LMAN1: variants seen among roughly 807,000 people sequenced by gnomAD.
LMAN1 encodes protein ERGIC-53.
In LMAN1, 32 loss-of-function variants were observed where a neutral mutation model predicts 67.8. The ratio of observed to expected loss-of-function variants is 0.47; its 90% confidence interval spans 0.36 to 0.63. The LOEUF is 0.63. Among genes scored for constraint, LMAN1 ranks in the 30% least tolerant of loss-of-function variants. The pLI is 0.00. For synonymous variants in LMAN1, 235 were observed against 219.3 expected, an observed-to-expected ratio of 1.07 and a Z score of -0.63; for missense variants, 632 against 628.2, an observed-to-expected ratio of 1.01 and a Z score of -0.06.
Position 59,359,161 on chromosome 18 carries a change from G to A in LMAN1, c.84C>T (p.Val28=), listed in dbSNP as rs1908738277. 6.2e-7 allele frequency: 1 copy of A among 1,614,076 alleles called. No homozygotes were observed. The highest frequency in any genetic ancestry group is 2.2e-5 in the East Asian group (1 of 44,866). ...CALLLSLGRF[V]RGDGVGGDPA... ...GGTCTCCTCCCACGCCGTCGCCCCG[G>A]ACGAAGCGACCGAGTGACAGCAGCA... The change falls in exon 1 of 13, where the codon GTC becomes GTT. Residue 28 remains valine, a synonymous_variant. Transcript: ENST00000251047.
At chr18:59,331,237 G>A (rs1353720887) in intron 12 of LMAN1, 108 bp from the exon 13 acceptor site, 20 of 1,079,760 alleles carry the variant, frequency 1.9e-5, no homozygotes, top group Middle Eastern at 2.2e-4. Context: ...AGTATACAAC[G>A]CATTAAGATA....
Position 59,355,369 on chromosome 18 carries a change from C to T in LMAN1, c.421G>A (p.Ala141Thr). The T allele has an allele frequency of 1.2e-6, 2 of 1,614,090 alleles. No homozygotes were observed. Among genetic ancestry groups the T allele is most frequent in the Non-Finnish European group, 1.7e-6 (2 of 1,179,956 alleles). ...QGLEGPVFGS[A>T]DLWNGVGIFF... ...ATTCCAACACCATTCCACAGATCAG[C>T]TGATCCAAACACAGGGCCCTCCAAG... is the stretch of plus-strand genomic sequence containing the variant. Residue 141 changes from alanine (A) to threonine (T), a missense_variant, in exon 3 of 13, where the codon GCT becomes ACT. By Grantham distance (58) the Ala-to-Thr change is moderately conservative (BLOSUM62 0). Transcript: ENST00000251047.
intron 10 of LMAN1, among the ~76,000 whole-genome samples, chr18:59,335,586 C>G (rs1007616731): frequency 6.6e-6 from 1 of 152,102 alleles, no homozygotes; most frequent in Non-Finnish European, 1.5e-5. Context: ...AAAGTGGTAG[C>G]AAGGATGAAG....
chr18:59,352,201 C>T (rs1908558622), intron 5 of LMAN1, among the ~76,000 whole-genome samples: 1 of 152,144 alleles, frequency 6.6e-6, no homozygotes. Context: ...TCATTACCAA[C>T]CCTCTGATTT....
chr18:59,348,936 ATG>A lies in LMAN1; in HGVS notation c.763+175_763+176del, dbSNP rs1908480314. ...CAGTTAACTGTACACCTACCGAACA[ATG>A]TAAGTAGAAAATTAGCAATCTCAAC... On this transcript the variant is annotated intron_variant, in intron 6 of 12. Transcript: ENST00000251047. 3.3e-5 allele frequency among the ~76,000 whole-genome samples: 5 copies of A among 152,230 alleles called. No individual in the cohort carries two copies. In the South Asian group the frequency reaches 1.0e-3, roughly 32 times the overall value.
intron 10 of LMAN1, among the ~76,000 whole-genome samples, chr18:59,336,989 A>C (rs572480100): frequency 4.0e-5 from 6 of 151,790 alleles, no homozygotes; most frequent in Non-Finnish European, 5.9e-5. Context: ...GGATGCTAAA[A>C]TGAATGAGCA....
intron 1 of LMAN1, among the ~76,000 whole-genome samples, chr18:59,355,922 C>G: frequency 6.7e-6 from 1 of 149,866 alleles, no homozygotes; most frequent in East Asian, 1.9e-4. Flanking sequence ...TTAAGGCAAA[C>G]TATCTGAGTC....
chr18:59,353,084 A>G (rs2144230671), intron 5 of LMAN1, 118 bp downstream of exon 5: 7 of 876,256 alleles, frequency 8.0e-6, no homozygotes, highest in South Asian at 4.1e-5. Flanking sequence ...TAGAGTAACA[A>G]TGAAGAGTAT....
chr18:59,334,384 T>C (rs889190436), intron 10 of LMAN1, among the ~76,000 whole-genome samples: 4 of 152,190 alleles, frequency 2.6e-5, no homozygotes, highest in African/African-American at 7.2e-5. Flanking sequence ...TGGAGATGAA[T>C]TGTCTAGCAG....
At position 59,333,194 on chromosome 18, in the gene LMAN1, C is replaced by A. The variant is rs1397472412; in HGVS notation, c.1271G>T (p.Gly424Val). The change falls in exon 11 of 13, where the codon GGC (glycine) becomes GTC (valine). Residue 424 changes from glycine (G) to valine (V), a missense_variant. Gly to Val is a moderately radical substitution (Grantham distance 109). Coordinates refer to ENST00000251047, the MANE Select transcript of LMAN1 (RefSeq NM_005570.4). ...TGTCTCATAGACGCCTCCAGCAGAG[C>A]CAGGGTGCTGCATTCCACTGACCAG... is the stretch of plus-strand genomic sequence containing the variant. ...VRLVSGMQHP[G>V]SAGGVYETTQ... The A allele has an allele frequency of 3.1e-5, 50 of 1,613,520 alleles. No individual in the cohort carries two copies. In the Admixed American group the frequency reaches 8.3e-4, roughly 27 times the overall value.
intron 11 of LMAN1, among the ~76,000 whole-genome samples, chr18:59,332,528 G>T (rs563659813): frequency 1.3e-5 from 2 of 152,080 alleles, no homozygotes; most frequent in Non-Finnish European, 2.9e-5. Context: ...TTTTCTAAAG[G>T]TCATCAAACG....
intron 8 of LMAN1, among the ~76,000 whole-genome samples, chr18:59,342,214 A>G (rs1289417039): frequency 6.6e-6 from 1 of 152,038 alleles, no homozygotes; most frequent in Non-Finnish European, 1.5e-5. Context: ...AACAGCCGGG[A>G]CTAGATGGAC....
At chr18:59,336,318 G>A (rs911345301) in intron 10 of LMAN1, among the ~76,000 whole-genome samples, 11 of 152,146 alleles carry the variant, frequency 7.2e-5, no homozygotes, top group African/African-American at 2.7e-4. Context: ...AGAAGATAGA[G>A]CAGTACCATA....
chr18:59,343,560 C>CT (rs143716767), intron 8 of LMAN1, among the ~76,000 whole-genome samples: 2 of 152,188 alleles, frequency 1.3e-5, no homozygotes, highest in Non-Finnish European at 2.9e-5. Flanking sequence ...AAAGGACATC[C>CT]TATTCAATAA....
At chr18:59,339,026 A>C (rs759737778) in intron 8 of LMAN1, 73 bp from the exon 9 acceptor site, 3 of 1,350,234 alleles carry the variant, frequency 2.2e-6, no homozygotes, top group Non-Finnish European at 3.1e-6. Context: ...GTAAGTGACC[A>C]AAGTGCCAAC....
chr18:59,348,380 T>G (rs1908467889), intron 6 of LMAN1, among the ~76,000 whole-genome samples: 1 of 152,096 alleles, frequency 6.6e-6, no homozygotes, highest in Non-Finnish European at 1.5e-5. Flanking sequence ...GAACCTGGAG[T>G]CAGAAATCCA....
intron 3 of LMAN1, 51 bp downstream of exon 3, chr18:59,355,262 C>A: frequency 7.4e-7 from 1 of 1,344,008 alleles, no homozygotes; most frequent in South Asian, 1.2e-5. Context: ...CACAGCCTAA[C>A]TCTGTTGATA....
rs200439553 is a variant in LMAN1 at position 59,346,387 on chromosome 18, A to AT, written c.823-337dup. Reference sequence around the variant, plus strand: ...AGGCACCTGCTGCCATGCCCAGCTAATTTTTTTTGTATTTTTTAGTAGAGA... The same window carrying AT: ...AGGCACCTGCTGCCATGCCCAGCTAATTTTTTTTTGTATTTTTTAGTAGAGA... On this transcript the variant is annotated intron_variant, in intron 7 of 12. Coordinates refer to ENST00000251047, the MANE Select transcript of LMAN1 (RefSeq NM_005570.4). 8.8e-4 allele frequency among the ~76,000 whole-genome samples: 130 copies of AT among 148,218 alleles called. 1 individual carries two copies. Among genetic ancestry groups the AT allele is most frequent in the African/African-American group, 3.1e-3 (123 of 40,168 alleles).
At chr18:59,337,782 A>G (rs1239361090) in intron 10 of LMAN1, among the ~76,000 whole-genome samples, 2 of 152,222 alleles carry the variant, frequency 1.3e-5, no homozygotes, top group Non-Finnish European at 2.9e-5. Flanking sequence ...TTATAAGTTA[A>G]GTGCCTTTAA....
Sources: gnomAD v4.1 joint callset for allele counts (sites outside exome capture counted in the v4.1 genomes callset) on GRCh38, gnomAD v4.1.1 for gene constraint, MANE v1.5 for transcripts, NCBI Gene and HGNC (gene_info 2026-07-23, HGNC 2026-07-21) for gene names.